Variants in ZDHHC7 observed in about 807,000 individuals in gnomAD.
The protein encoded by ZDHHC7 is palmitoyltransferase ZDHHC7.
In ZDHHC7, 12 loss-of-function variants were observed where a neutral mutation model predicts 34.1. The observed-to-expected ratio is 0.35, with a 90% confidence interval of 0.23 to 0.57. ZDHHC7 has a LOEUF of 0.57. Ranked by LOEUF, ZDHHC7 falls within the 20% of genes least tolerant of loss-of-function variation. The pLI is 0.84. For synonymous variants in ZDHHC7, 185 were observed against 155.4 expected (o/e 1.19, Z -1.42); for missense variants, 388 against 402.7 (o/e 0.96, Z 0.31).
intron 5 of ZDHHC7, among the ~76,000 whole-genome samples, chr16:84,978,416 T>C (rs2143546307): frequency 6.6e-6 from 1 of 152,296 alleles, no homozygotes; most frequent in African/African-American, 2.4e-5. Context: ...CCCAAGATCA[T>C]ATTAGACCAA....
intron 5 of ZDHHC7, 135 bp downstream of exon 5, chr16:84,979,054 T>G (rs901826629): frequency 1.3e-6 from 1 of 790,052 alleles, no homozygotes; most frequent in African/African-American, 1.8e-5. Flanking sequence ...GACAGCACAG[T>G]ATTATAATTT....
At chr16:84,984,404 T>C (rs1184859985) in intron 3 of ZDHHC7, among the ~76,000 whole-genome samples, 3 of 152,184 alleles carry the variant, frequency 2.0e-5, no homozygotes, top group Non-Finnish European at 2.9e-5. Context: ...GTTGCATATA[T>C]GCCCCAGGTG....
chr16:85,024,230 G>GT, the ZDHHC7 span, among the ~76,000 whole-genome samples: 29,513 of 108,684 alleles, frequency 0.27, 4,412 homozygotes, highest in East Asian at 0.4. Context: ...AGAGTTTTTT[G>GT]TTTTTTTTTT....
At chr16:84,978,204 T>C (rs1461828171) in intron 5 of ZDHHC7, 199 bp from the exon 6 acceptor site, 10 of 465,520 alleles carry the variant, frequency 2.1e-5, no homozygotes, top group Admixed American at 7.7e-5. Flanking sequence ...CTAACTGTTT[T>C]GCATTTTTAG....
chr16:85,014,968 T>G (rs934955085), upstream of ZDHHC7, among the ~76,000 whole-genome samples: 1 of 152,260 alleles, frequency 6.6e-6, no homozygotes, highest in East Asian at 1.9e-4. Context: ...GATTTTCTCA[T>G]TGGCAATTAG....
chr16:84,977,066 A>G, intron 7 of ZDHHC7, 29 bp downstream of exon 7: 1 of 1,613,414 alleles, frequency 6.2e-7, no homozygotes, highest in East Asian at 2.2e-5. Flanking sequence ...ACCACATATG[A>G]AGTCCACACA....
the ZDHHC7 span, among the ~76,000 whole-genome samples, chr16:85,019,306 G>A: frequency 8.0e-6 from 1 of 125,574 alleles, no homozygotes; most frequent in Non-Finnish European, 1.8e-5. Flanking sequence ...ACAAAAGGCA[G>A]GGGGTTTTGT....
the ZDHHC7 span, among the ~76,000 whole-genome samples, chr16:85,019,971 T>C: frequency 6.6e-6 from 1 of 152,188 alleles, no homozygotes; most frequent in South Asian, 2.1e-4. Flanking sequence ...AATCTCTTTG[T>C]ACAGCTGCAG....
chr16:85,013,863 T>C (rs1458104548), upstream of ZDHHC7, among the ~76,000 whole-genome samples: 1 of 151,922 alleles, frequency 6.6e-6, no homozygotes, highest in Non-Finnish European at 1.5e-5. Context: ...AATTTTTGTA[T>C]TTTTAGTAGA....
At chr16:84,989,698 A>G (rs924799451) in intron 3 of ZDHHC7, among the ~76,000 whole-genome samples, 4 of 125,408 alleles carry the variant, frequency 3.2e-5, no homozygotes, top group Non-Finnish European at 3.7e-5. Context: ...CCGTCTCAAA[A>G]AAAAAAAAAA....
intron 1 of ZDHHC7, among the ~76,000 whole-genome samples, chr16:85,002,716 C>T (rs144760520): frequency 1.4e-4 from 22 of 152,096 alleles, no homozygotes; most frequent in African/African-American, 3.1e-4. Flanking sequence ...TAGGAGAAAG[C>T]GTGGGTGGAG....
rs115816549 is a variant in ZDHHC7 at position 84,992,661 on chromosome 16, G to A, written c.-17-2026C>T. On this transcript the variant is annotated intron_variant, in intron 2 of 7. Transcript: ENST00000313732. ...AGAAAATACTGACAAATATTTTAAC[G>A]AACTGACCCGGGCACCTTCTCAGAG... is the stretch of plus-strand genomic sequence containing the variant. Among the ~76,000 whole-genome samples, 441 of 152,186 alleles carry A rather than the reference G, an allele frequency of 2.9e-3. 1 individual carries two copies. The highest frequency in any genetic ancestry group is 9.9e-3 in the African/African-American group (412 of 41,530).
intron 2 of ZDHHC7, among the ~76,000 whole-genome samples, chr16:84,992,890 G>A (rs547916600): frequency 2.6e-5 from 4 of 152,228 alleles, no homozygotes; most frequent in Admixed American, 1.3e-4. Flanking sequence ...AACATTTGCC[G>A]AATGAACATG....
Position 85,006,558 on chromosome 16 carries a change from G to A in ZDHHC7, c.-104+4728C>T, listed in dbSNP as rs561566803. Among the ~76,000 whole-genome samples, 377 of 151,728 alleles carry A rather than the reference G, an allele frequency of 2.5e-3. 1 individual carries two copies. The highest frequency in any genetic ancestry group is 8.6e-3 in the African/African-American group (355 of 41,378). ...GAGTTCAAGACAGGCCTGAGCAACC[G>A]GCCTGACCCCATTTCTGTAATTTAA... On this transcript the variant is annotated intron_variant, in intron 1 of 7. Transcript: ENST00000313732.
intron 7 of ZDHHC7, among the ~76,000 whole-genome samples, chr16:84,976,753 A>G (rs145213963): frequency 1.9e-3 from 289 of 152,320 alleles, no homozygotes; most frequent in Middle Eastern, 0.01. Context: ...CCAGGCACCA[A>G]CATTTGTCGC....
intron 2 of ZDHHC7, among the ~76,000 whole-genome samples, chr16:84,994,185 G>C (rs796077734): frequency 1.3e-5 from 2 of 152,326 alleles, no homozygotes; most frequent in African/African-American, 4.8e-5. Context: ...CTCCTGCCCT[G>C]TCCCCCTCAT....
Position 84,985,766 on chromosome 16 carries a change from C to T in ZDHHC7, c.316-3772G>A, listed in dbSNP as rs369196802. 2.1e-4 allele frequency among the ~76,000 whole-genome samples: 32 copies of T among 151,972 alleles called. No individual in the cohort carries two copies. The East Asian group carries it at 3.9e-3, about 18-fold the overall frequency. On this transcript the variant is annotated intron_variant, in intron 3 of 7. Transcript: ENST00000313732. ...GGTCAAGAGTTCAAGACCAGCCTGG[C>T]CAATATGATGAAACCCCATCTCTAC...
intron 3 of ZDHHC7, among the ~76,000 whole-genome samples, chr16:84,985,818 G>A (rs1280133051): frequency 6.6e-6 from 1 of 151,930 alleles, no homozygotes. Flanking sequence ...AGCCGGGCAT[G>A]GTGGCACATG....
chr16:85,006,791 A>C (rs1457739952), intron 1 of ZDHHC7, among the ~76,000 whole-genome samples: 1 of 152,138 alleles, frequency 6.6e-6, no homozygotes, highest in Non-Finnish European at 1.5e-5. Flanking sequence ...ACAGGTCACA[A>C]AATCAACCTG....
Sources: allele counts gnomAD v4.1 joint callset (sites outside exome capture counted in the v4.1 genomes callset), GRCh38; gene constraint gnomAD v4.1.1; transcripts MANE v1.5; gene names NCBI Gene and HGNC (gene_info 2026-07-23, HGNC 2026-07-21).